Variants in BCL2A1 observed in about 807,000 individuals in gnomAD.
BCL2A1 encodes bcl-2-related protein A1.
A neutral mutation model predicts 14.4 loss-of-function variants in BCL2A1; 10 were observed. That is an observed-to-expected ratio of 0.69 (90% CI 0.43 to 1.18). The LOEUF is 1.18. Among genes scored for constraint, BCL2A1 ranks in the 50% most tolerant of loss-of-function variants. BCL2A1 has a pLI of 0.00. For missense variants in BCL2A1, 158 were observed against 205.0 expected, an observed-to-expected ratio of 0.77 and a Z score of 1.40; for synonymous variants, 71 against 76.5, an observed-to-expected ratio of 0.93 and a Z score of 0.38.
chr15:79,966,815 A>G (rs2035545622), intron 1 of BCL2A1, among the ~76,000 whole-genome samples: 1 of 139,746 alleles, frequency 7.2e-6, no homozygotes, highest in Non-Finnish European at 1.5e-5. Context: ...GGAAGGCAGG[A>G]AAGCAGGAAG....
chr15:79,969,813 G>A (rs2035577764), intron 1 of BCL2A1, among the ~76,000 whole-genome samples: 2 of 152,200 alleles, frequency 1.3e-5, no homozygotes, highest in Admixed American at 6.5e-5. Flanking sequence ...CAGTAGGCAT[G>A]TTTTGCATGC....
chr15:79,971,171 G>C lies in BCL2A1; in HGVS notation c.-52C>G. 1 of 1,562,536 alleles carries C rather than the reference G, an allele frequency of 6.4e-7. No homozygotes were observed. ...TGAGCTGGCTCACCTTGAAGCTGTT[G>C]AGGCAATGTGCTGAGAATGCTCACT... On this transcript the variant is annotated 5_prime_UTR_variant, in exon 1 of 2. Coordinates refer to ENST00000267953, the MANE Select transcript of BCL2A1 (RefSeq NM_004049.4).
At chr15:79,961,665 T>C (rs1309176991) in intron 1 of BCL2A1, among the ~76,000 whole-genome samples, 1 of 152,180 alleles carries the variant, frequency 6.6e-6, no homozygotes, top group African/African-American at 2.4e-5. Flanking sequence ...AATTATATTA[T>C]ACTGTAAACT....
chr15:79,970,399 A>C (rs1473577958), intron 1 of BCL2A1, among the ~76,000 whole-genome samples: 2 of 152,184 alleles, frequency 1.3e-5, no homozygotes, highest in African/African-American at 4.8e-5. Flanking sequence ...GAGTGTGTGC[A>C]CAGCTGATTG....
At chr15:79,969,638 A>T (rs541021397) in intron 1 of BCL2A1, among the ~76,000 whole-genome samples, 12 of 152,338 alleles carry the variant, frequency 7.9e-5, no homozygotes, top group African/African-American at 2.6e-4. Flanking sequence ...ATTTATATGT[A>T]TACATAAAAA....
At chr15:79,968,076 A>G (rs2035560624) in intron 1 of BCL2A1, among the ~76,000 whole-genome samples, 1 of 152,192 alleles carries the variant, frequency 6.6e-6, no homozygotes, top group Non-Finnish European at 1.5e-5. Flanking sequence ...TGAGGGTACT[A>G]CTAGAAATTC....
chr15:79,965,134 T>C (rs1469253479), intron 1 of BCL2A1, among the ~76,000 whole-genome samples: 2 of 152,120 alleles, frequency 1.3e-5, no homozygotes, highest in Admixed American at 6.6e-5. Flanking sequence ...TTTTATTTTA[T>C]TTTATTTTTT....
chr15:79,967,752 T>C (rs2035556116), intron 1 of BCL2A1: 1 of 1,099,134 alleles, frequency 9.1e-7, no homozygotes, highest in Non-Finnish European at 1.4e-6. Context: ...AACATCACTA[T>C]GAAAAGATGA....
intron 1 of BCL2A1, among the ~76,000 whole-genome samples, chr15:79,963,805 G>T (rs1161793490): frequency 1.3e-5 from 2 of 151,984 alleles, no homozygotes; most frequent in Non-Finnish European, 2.9e-5. Flanking sequence ...ATCTAAAAGG[G>T]GAAAACTCGA....
intron 1 of BCL2A1, among the ~76,000 whole-genome samples, chr15:79,964,482 C>T (rs960199575): frequency 6.6e-6 from 1 of 152,084 alleles, no homozygotes; most frequent in African/African-American, 2.4e-5. Flanking sequence ...AACAAACAAA[C>T]AAACAAAATA....
intron 1 of BCL2A1, among the ~76,000 whole-genome samples, chr15:79,969,074 G>A (rs982674337): frequency 2.6e-5 from 4 of 151,952 alleles, no homozygotes; most frequent in Admixed American, 1.3e-4. Context: ...CAAATGATCA[G>A]TTAATATATG....
intron 1 of BCL2A1, among the ~76,000 whole-genome samples, chr15:79,967,934 A>ATTTT (rs1221448162): frequency 0.011 from 1,704 of 150,130 alleles, 8 homozygotes; most frequent in Middle Eastern, 0.034. Context: ...TTTTTTTAAA[A>ATTTT]AAAAAAAAGA....
rs528610623 is a variant in BCL2A1 at position 79,970,930 on chromosome 15, C to T, written c.190G>A (p.Val64Ile). Residue 64 changes from valine (V) to isoleucine (I), a missense_variant, in exon 1 of 2, where the codon GTA (valine) becomes ATA (isoleucine). By Grantham distance (29) the Val-to-Ile change is conservative (BLOSUM62 3). Coordinates refer to ENST00000267953, the MANE Select transcript of BCL2A1 (RefSeq NM_004049.4). ...TTGAATAGTGTTCTGGCAGTGTCTA[C>T]GGACACAACATTAACATTGTCCAAG... Reference protein sequence around the residue: ...SCLDNVNVVSVDTARTLFNQV... With the variant: ...SCLDNVNVVSIDTARTLFNQV... The T allele has an allele frequency of 1.9e-5, 30 of 1,614,066 alleles. 1 individual carries two copies. The South Asian group carries it at 2.3e-4, about 12-fold the overall frequency.
intron 1 of BCL2A1, among the ~76,000 whole-genome samples, chr15:79,968,151 G>T (rs1294081988): frequency 6.6e-6 from 1 of 152,142 alleles, no homozygotes; most frequent in African/African-American, 2.4e-5. Context: ...TTATTGTGGA[G>T]AAGTTAAATT....
intron 1 of BCL2A1, among the ~76,000 whole-genome samples, chr15:79,968,214 T>G (rs1271067779): frequency 1.3e-5 from 2 of 152,200 alleles, no homozygotes; most frequent in Non-Finnish European, 2.9e-5. Context: ...TGCTAAGCGT[T>G]GGAAATACAA....
intron 1 of BCL2A1, chr15:79,967,512 G>T: frequency 9.2e-7 from 1 of 1,082,752 alleles, no homozygotes; most frequent in Non-Finnish European, 1.3e-6. Flanking sequence ...CACTGCACCC[G>T]GCACATACCG....
At chr15:79,967,364 C>A (rs2035552331) in intron 1 of BCL2A1, among the ~76,000 whole-genome samples, 1 of 151,702 alleles carries the variant, frequency 6.6e-6, no homozygotes, top group African/African-American at 2.4e-5. Flanking sequence ...TTATAGGCAT[C>A]CGCCACCAGG....
chr15:79,966,092 C>T (rs150438564), intron 1 of BCL2A1, among the ~76,000 whole-genome samples: 56 of 152,252 alleles, frequency 3.7e-4, no homozygotes, highest in Admixed American at 2.4e-3. Context: ...CCTATCTAAA[C>T]TTCCTGGAAT....
chr15:79,967,985 G>T (rs899318237), intron 1 of BCL2A1, among the ~76,000 whole-genome samples: 27 of 151,684 alleles, frequency 1.8e-4, no homozygotes, highest in South Asian at 1.0e-3. Context: ...GCACGTGCAG[G>T]CAATGTGTGT....
Sources: allele counts gnomAD v4.1 joint callset (sites outside exome capture counted in the v4.1 genomes callset), GRCh38; gene constraint gnomAD v4.1.1; transcripts MANE v1.5; gene names NCBI Gene and HGNC (gene_info 2026-07-23, HGNC 2026-07-21).